The following CTNNA3 variants were observed in gnomAD, a reference collection of about 807,000 sequenced individuals.
CTNNA3 encodes the protein catenin alpha 3.
In CTNNA3, 76 loss-of-function variants were observed where a neutral mutation model predicts 95.7. The ratio of observed to expected loss-of-function variants is 0.79; its 90% confidence interval spans 0.66 to 0.96. The LOEUF (loss-of-function observed/expected upper bound fraction) is 0.96. CTNNA3 is among the 40% of genes least tolerant of loss of function. The pLI, the probability that CTNNA3 is intolerant of heterozygous loss-of-function variation, is 0.00. For synonymous variants in CTNNA3, 431 were observed against 374.4 expected, an observed-to-expected ratio of 1.15 and a Z score of -1.74; for missense variants, 1,191 against 1,089.8, an observed-to-expected ratio of 1.09 and a Z score of -1.31.
intron 1 of CTNNA3, among the ~76,000 whole-genome samples, chr10:67,727,473 ATATT>A (rs1168469001): frequency 6.7e-5 from 9 of 133,444 alleles, no homozygotes; most frequent in Non-Finnish European, 9.3e-5. Flanking sequence ...CATATATTAT[ATATT>A]TATATATTAT....
At chr10:67,208,895 T>TATCA (rs1864019292) in intron 6 of CTNNA3, among the ~76,000 whole-genome samples, 1 of 152,148 alleles carries the variant, frequency 6.6e-6, no homozygotes, top group African/African-American at 2.4e-5. Flanking sequence ...AAGCCAAGAA[T>TATCA]ATCAATATTA....
chr10:67,355,032 T>C (rs1033978030), intron 5 of CTNNA3, among the ~76,000 whole-genome samples: 1 of 152,036 alleles, frequency 6.6e-6, no homozygotes, highest in East Asian at 1.9e-4. Flanking sequence ...TACTTTGCTA[T>C]TGTCCAAATG....
intron 4 of CTNNA3, among the ~76,000 whole-genome samples, chr10:67,535,557 A>G (rs1391235838): frequency 1.3e-5 from 2 of 152,154 alleles, no homozygotes; most frequent in Non-Finnish European, 2.9e-5. Flanking sequence ...CAAAATCAAT[A>G]TGAACCAACA....
At chr10:66,913,108 A>G (rs1345352786) in intron 7 of CTNNA3, among the ~76,000 whole-genome samples, 114 of 151,942 alleles carry the variant, frequency 7.5e-4, no homozygotes, top group South Asian at 1.7e-3. Context: ...GCGCTGTGGC[A>G]GGCGCCTGTA....
chr10:66,401,658 CTT>C (rs540003137), intron 11 of CTNNA3, among the ~76,000 whole-genome samples: 81 of 116,248 alleles, frequency 7.0e-4, no homozygotes, highest in African/African-American at 2.5e-3. Flanking sequence ...CCATTTCTTT[CTT>C]TTTTTTTTTT....
At chr10:67,438,918 T>C (rs1375154896) in intron 5 of CTNNA3, among the ~76,000 whole-genome samples, 1 of 152,196 alleles carries the variant, frequency 6.6e-6, no homozygotes, top group Non-Finnish European at 1.5e-5. Flanking sequence ...CTTGAGTTTC[T>C]TGACAAACAT....
chr10:66,706,965 T>G (rs188565900), intron 9 of CTNNA3, among the ~76,000 whole-genome samples: 15 of 152,108 alleles, frequency 9.9e-5, no homozygotes, highest in Admixed American at 9.2e-4. Flanking sequence ...AACACTATAA[T>G]GTGTACAGTT....
At chr10:66,485,430 G>T (rs1460724339) in intron 11 of CTNNA3, among the ~76,000 whole-genome samples, 1 of 152,014 alleles carries the variant, frequency 6.6e-6, no homozygotes, top group Admixed American at 6.6e-5. Context: ...AAAATTAGTT[G>T]TGTTTCTCTA....
At chr10:66,387,748 T>C (rs1294858944) in intron 11 of CTNNA3, among the ~76,000 whole-genome samples, 1 of 152,156 alleles carries the variant, frequency 6.6e-6, no homozygotes, top group Admixed American at 6.5e-5. Flanking sequence ...ATATACACCA[T>C]GGAATACTAT....
intron 11 of CTNNA3, among the ~76,000 whole-genome samples, chr10:66,482,215 A>T (rs546075445): frequency 2.0e-5 from 3 of 152,330 alleles, no homozygotes; most frequent in East Asian, 3.9e-4. Flanking sequence ...TGAGCATATC[A>T]TATTGAAAAC....
At chr10:66,798,070 G>T (rs4440929) in intron 7 of CTNNA3, among the ~76,000 whole-genome samples, 1,584 of 151,782 alleles carry the variant, frequency 0.01, 31 homozygotes, top group African/African-American at 0.035. Context: ...AATTAGCTCA[G>T]CAGAGCTATC....
intron 7 of CTNNA3, among the ~76,000 whole-genome samples, chr10:66,845,742 G>T (rs12783345): frequency 0.41 from 29,249 of 71,728 alleles, 6,109 homozygotes; most frequent in Non-Finnish European, 0.49. Context: ...AAAAAGGTGA[G>T]ATATATATAC....
At chr10:66,054,280 TTTA>T (rs2080027417) in intron 15 of CTNNA3, among the ~76,000 whole-genome samples, 1 of 152,150 alleles carries the variant, frequency 6.6e-6, no homozygotes, top group South Asian at 2.1e-4. Flanking sequence ...AAGTTCTAAT[TTTA>T]GATTTTGAGT....
chr10:66,036,697 G>C (rs1036644586), intron 15 of CTNNA3, among the ~76,000 whole-genome samples: 3 of 151,964 alleles, frequency 2.0e-5, no homozygotes, highest in African/African-American at 7.3e-5. Flanking sequence ...CCTGATTACA[G>C]TTTGAGAACA....
intron 7 of CTNNA3, among the ~76,000 whole-genome samples, chr10:67,010,785 G>A (rs961653064): frequency 6.6e-6 from 1 of 152,156 alleles, no homozygotes; most frequent in African/African-American, 2.4e-5. Context: ...CCACAGAAAG[G>A]ATTTGAGCAT....
intron 1 of CTNNA3, among the ~76,000 whole-genome samples, chr10:67,662,025 C>T (rs1233995430): frequency 1.3e-5 from 2 of 152,144 alleles, no homozygotes; most frequent in Admixed American, 6.5e-5. Context: ...AGCAATTCCA[C>T]TCCTTAGGTA....
intron 7 of CTNNA3, chr10:67,099,025 A>G (rs1031077275): frequency 1.3e-5 from 2 of 151,882 alleles, no homozygotes; most frequent in Non-Finnish European, 2.9e-5. Context: ...GATATGAGCC[A>G]TGGTGGAGAA....
chr10:66,181,670 CCT>C (rs1316537267), intron 13 of CTNNA3, among the ~76,000 whole-genome samples: 1 of 152,034 alleles, frequency 6.6e-6, no homozygotes, highest in African/African-American at 2.4e-5. Flanking sequence ...CTGAACACAC[CCT>C]GAGAAGTATT....
chr10:66,797,012 C>T (rs773696932), intron 7 of CTNNA3, among the ~76,000 whole-genome samples: 31 of 151,404 alleles, frequency 2.0e-4, no homozygotes, highest in Non-Finnish European at 4.3e-4. Context: ...ATAAGTTATT[C>T]TTTGCATTTA....
Sources: allele counts gnomAD v4.1 joint callset (sites outside exome capture counted in the v4.1 genomes callset), GRCh38; gene constraint gnomAD v4.1.1; transcripts MANE v1.5; gene names NCBI Gene and HGNC (gene_info 2026-07-23, HGNC 2026-07-21).